The following LNPK variants were observed in gnomAD, a reference collection of about 807,000 sequenced individuals.
LNPK encodes the protein lunapark, ER junction formation factor.
In LNPK, 29 loss-of-function variants were observed where a neutral mutation model predicts 55.2. That is an observed-to-expected ratio of 0.53 (90% CI 0.39 to 0.72). The LOEUF is 0.72. Ranked by LOEUF, LNPK falls within the 30% of genes least tolerant of loss-of-function variation. The pLI, the probability that LNPK is intolerant of heterozygous loss-of-function variation, is 0.00. For synonymous variants in LNPK, 162 were observed against 168.2 expected, an observed-to-expected ratio of 0.96 and a Z score of 0.29; for missense variants, 467 against 494.8, an observed-to-expected ratio of 0.94 and a Z score of 0.53.
chr2:175,960,007 G>A (rs1416510682), intron 8 of LNPK, among the ~76,000 whole-genome samples: 1 of 152,094 alleles, frequency 6.6e-6, no homozygotes, highest in Non-Finnish European at 1.5e-5. Flanking sequence ...AACAAGAAGA[G>A]CTAACTATCC....
intron 12 of LNPK, among the ~76,000 whole-genome samples, chr2:175,932,450 G>A (rs115278881): frequency 0.014 from 2,181 of 152,218 alleles, 62 homozygotes; most frequent in African/African-American, 0.05. Context: ...TACAAAATTG[G>A]TGAAATGGGT....
At chr2:175,948,537 C>T (rs182257180) in intron 8 of LNPK, among the ~76,000 whole-genome samples, 41 of 152,282 alleles carry the variant, frequency 2.7e-4, no homozygotes, top group African/African-American at 8.9e-4. Context: ...TACTCAGTAA[C>T]ATAAAATTGA....
chr2:175,953,409 C>A (rs974908655), intron 8 of LNPK, among the ~76,000 whole-genome samples: 3 of 152,096 alleles, frequency 2.0e-5, no homozygotes, highest in Non-Finnish European at 4.4e-5. Flanking sequence ...ACCTCAGCAT[C>A]TTGCTATAAC....
intron 1 of LNPK, among the ~76,000 whole-genome samples, chr2:175,996,189 T>C (rs1250462036): frequency 1.3e-5 from 2 of 152,228 alleles, no homozygotes; most frequent in Non-Finnish European, 2.9e-5. Context: ...GCTTTTTAAA[T>C]GACAATGCAG....
At chr2:175,990,174 G>A (rs1299501193) in intron 4 of LNPK, among the ~76,000 whole-genome samples, 2 of 152,310 alleles carry the variant, frequency 1.3e-5, no homozygotes, top group South Asian at 2.1e-4. Flanking sequence ...TTGTCCCCCA[G>A]TGTTGGAGGT....
intron 11 of LNPK, chr2:175,937,914 A>G (rs1684631110): frequency 5.6e-6 from 1 of 177,030 alleles, no homozygotes; most frequent in Non-Finnish European, 1.2e-5. Context: ...ATAATATTTC[A>G]GAAGCATTTT....
At chr2:175,998,444 C>CAAAAAAAAAAAAAAAAAAAA (rs761894057) in intron 1 of LNPK, among the ~76,000 whole-genome samples, 1 of 82,860 alleles carries the variant, frequency 1.2e-5, no homozygotes, top group Non-Finnish European at 2.3e-5. Flanking sequence ...CTCCGTCTCA[C>CAAAAAAAAAAAAAAAAAAAA]AAAAAAAAAA....
At position 175,925,446 on chromosome 2, in the gene LNPK, T is replaced by C. The variant is rs1298845557; in HGVS notation, c.*4521A>G. 3 of 152,128 alleles carry C rather than the reference T, an allele frequency of 2.0e-5. No homozygotes were observed. Among genetic ancestry groups the C allele is most frequent in the African/African-American group, 4.8e-5 (2 of 41,418 alleles). 9.4% of individuals were successfully genotyped at this position (152,128 alleles called of 1,614,324 possible). On this transcript the variant is annotated 3_prime_UTR_variant, in exon 13 of 13. Coordinates refer to ENST00000272748, the MANE Select transcript of LNPK (RefSeq NM_030650.3). ...GGCTGGGAGATGAGAAAAGACTGCATATGCAAAACACAGAAAACACTACTA... is the reference window on the plus strand; with the variant it reads ...GGCTGGGAGATGAGAAAAGACTGCACATGCAAAACACAGAAAACACTACTA...
At chr2:175,966,301 T>C (rs1686350087) in intron 6 of LNPK, among the ~76,000 whole-genome samples, 1 of 152,204 alleles carries the variant, frequency 6.6e-6, no homozygotes, top group Non-Finnish European at 1.5e-5. Flanking sequence ...TGGCCTCAAG[T>C]GATCCACATA....
chr2:175,970,716 G>A, intron 6 of LNPK, 48 bp downstream of exon 6: 1 of 1,027,206 alleles, frequency 9.7e-7, no homozygotes, highest in Non-Finnish European at 1.3e-6. Context: ...TAATTATTCA[G>A]TTCTTATTAG....
intron 9 of LNPK, among the ~76,000 whole-genome samples, chr2:175,943,954 G>A (rs1365398649): frequency 6.6e-6 from 1 of 151,974 alleles, no homozygotes; most frequent in Non-Finnish European, 1.5e-5. Flanking sequence ...AAAATAAATA[G>A]AAGAAAACCA....
At chr2:175,998,083 C>G (rs1056962573) in intron 1 of LNPK, among the ~76,000 whole-genome samples, 15 of 152,030 alleles carry the variant, frequency 9.9e-5, no homozygotes, top group African/African-American at 3.6e-4. Context: ...ATACTACTAT[C>G]CCTCCATTTT....
chr2:176,002,398 G>T, upstream of LNPK: 2 of 355,366 alleles, frequency 5.6e-6, no homozygotes, highest in Non-Finnish European at 5.4e-6. Context: ...CGGGTCGGCC[G>T]GGAGGTTAGG....
At chr2:175,940,288 C>CCAAG (rs1247025030) in intron 9 of LNPK, among the ~76,000 whole-genome samples, 1 of 151,422 alleles carries the variant, frequency 6.6e-6, no homozygotes, top group East Asian at 2.0e-4. Flanking sequence ...TCTGAGAAGG[C>CCAAG]CAAGGCATAT....
At chr2:175,995,834 G>A (rs894910214) in intron 1 of LNPK, among the ~76,000 whole-genome samples, 188 bp from the exon 2 acceptor site, 1 of 18,908 alleles carries the variant, frequency 5.3e-5, no homozygotes, top group Non-Finnish European at 1.3e-4. Context: ...TTTTTTTTGA[G>A]ATGGAGACTC....
At position 175,947,580 on chromosome 2, in the gene LNPK, A is replaced by T; in HGVS notation, c.606T>A (p.Ser202=). The change falls in exon 9 of 13, where the codon TCT becomes TCA. Residue 202 remains serine, a synonymous_variant. Coordinates refer to ENST00000272748, the MANE Select transcript of LNPK (RefSeq NM_030650.3). The part of the protein sequence containing the change: ...PVSPGPPKDS[S]APGGPPERTV... ...TCCTTTCTGGGGGTCCACCAGGGGC[A>T]GAACTGTCCTTTGGTGGTCCAGGAG... 6.2e-7 allele frequency: 1 copy of T among 1,614,090 alleles called. No individual in the cohort carries two copies. The highest frequency in any genetic ancestry group is 8.5e-7 in the Non-Finnish European group (1 of 1,179,958).
rs1410868530 is a variant in LNPK, at chr2:175,927,449, G to C, written c.*2518C>G. On this transcript the variant is annotated 3_prime_UTR_variant, in exon 13 of 13. Transcript: ENST00000272748. ...GATAGGGAGTAAAAGGCAGAGGCCA[G>C]CTTCAGATGGGGAGTTTGGGAAGGC... The C allele has an allele frequency of 2.6e-5, 4 of 152,278 alleles. No individual in the cohort carries two copies. The highest frequency in any genetic ancestry group is 4.4e-5 in the Non-Finnish European group (3 of 68,080). 9.4% of individuals were successfully genotyped at this position (152,278 alleles called of 1,614,324 possible).
In LNPK at chr2:175,995,497, T is replaced by C. The variant is rs180883696; in HGVS notation, c.27+61A>G. 1.2e-3 allele frequency: 1,583 copies of C among 1,325,126 alleles called. 15 individuals are homozygous for C. The African/African-American group carries it at 0.02, about 17-fold the overall frequency. 82.1% of individuals were successfully genotyped at this position (1,325,126 alleles called of 1,614,324 possible). ...TATAATCAAAGGAGACTTTCACAAA[T>C]AGCTTTATGTGACACTTTTATATTA... On this transcript the variant is annotated intron_variant, in intron 2 of 12. Coordinates refer to ENST00000272748, the MANE Select transcript of LNPK (RefSeq NM_030650.3).
chr2:175,977,081 G>A (rs1210776296), intron 5 of LNPK, among the ~76,000 whole-genome samples: 1 of 152,134 alleles, frequency 6.6e-6, no homozygotes, highest in Non-Finnish European at 1.5e-5. Flanking sequence ...TGTTACTTAT[G>A]AGATGCCTAC....
Sources: allele counts gnomAD v4.1 joint callset (sites outside exome capture counted in the v4.1 genomes callset), GRCh38; gene constraint gnomAD v4.1.1; transcripts MANE v1.5; gene names NCBI Gene and HGNC (gene_info 2026-07-23, HGNC 2026-07-21).